PLCB1: variants seen among roughly 807,000 people sequenced by gnomAD.
PLCB1 encodes 1-phosphatidylinositol 4,5-bisphosphate phosphodiesterase beta-1.
A neutral mutation model predicts 161.8 loss-of-function variants in PLCB1; 46 were observed. That is an observed-to-expected ratio of 0.28 (90% CI 0.22 to 0.36). The LOEUF (loss-of-function observed/expected upper bound fraction) is 0.36. PLCB1 is among the 10% of genes least tolerant of loss of function. The pLI is 1.00. For synonymous variants in PLCB1, 517 were observed against 503.7 expected (o/e 1.03, Z -0.35); for missense variants, 1,016 against 1,472.5 (o/e 0.69, Z 5.07).
intron 12 of PLCB1, among the ~76,000 whole-genome samples, chr20:8,714,865 A>T (rs964904676): frequency 5.3e-5 from 8 of 152,308 alleles, no homozygotes; most frequent in African/African-American, 1.7e-4. Context: ...AAAAGAAAAA[A>T]ATGAATACAA....
intron 1 of PLCB1, among the ~76,000 whole-genome samples, chr20:8,137,615 T>C (rs917819918): frequency 3.9e-5 from 6 of 152,310 alleles, no homozygotes; most frequent in South Asian, 4.1e-4. Context: ...AAAAAATCAG[T>C]GTAACATGCG....
At chr20:8,590,873 A>G (rs1172859760) in intron 3 of PLCB1, among the ~76,000 whole-genome samples, 1 of 151,994 alleles carries the variant, frequency 6.6e-6, no homozygotes, top group Non-Finnish European at 1.5e-5. Context: ...GGTTTGTTAC[A>G]TAGGTAAACA....
intron 27 of PLCB1, among the ~76,000 whole-genome samples, chr20:8,782,513 C>T (rs1983291005): frequency 6.6e-6 from 1 of 152,138 alleles, no homozygotes; most frequent in Admixed American, 6.5e-5. Flanking sequence ...CTACCTCAGC[C>T]TCCCAAGTAG....
At chr20:8,231,934 C>G (rs1980062891) in intron 2 of PLCB1, among the ~76,000 whole-genome samples, 1 of 152,152 alleles carries the variant, frequency 6.6e-6, no homozygotes, top group Non-Finnish European at 1.5e-5. Context: ...TAAAATAGCT[C>G]TATCTTATGT....
At chr20:8,382,513 G>A (rs1203211630) in intron 3 of PLCB1, among the ~76,000 whole-genome samples, 1 of 148,648 alleles carries the variant, frequency 6.7e-6, no homozygotes, top group Non-Finnish European at 1.5e-5. Flanking sequence ...TCGATCTCCT[G>A]ACCTCGTAAT....
intron 3 of PLCB1, among the ~76,000 whole-genome samples, chr20:8,406,881 T>G (rs1978810174): frequency 6.6e-6 from 1 of 152,190 alleles, no homozygotes; most frequent in Non-Finnish European, 1.5e-5. Context: ...TAGAATGTGG[T>G]ATTGGACAGT....
At chr20:8,580,756 T>C (rs972764394) in intron 3 of PLCB1, among the ~76,000 whole-genome samples, 2 of 152,218 alleles carry the variant, frequency 1.3e-5, no homozygotes, top group East Asian at 3.8e-4. Context: ...AAACAAATGA[T>C]TGAGCTATGG....
At chr20:8,390,046 C>T (rs976223719) in intron 3 of PLCB1, among the ~76,000 whole-genome samples, 1 of 152,158 alleles carries the variant, frequency 6.6e-6, no homozygotes, top group African/African-American at 2.4e-5. Flanking sequence ...ACTTTTCAGT[C>T]AAGTTTTCCT....
At chr20:8,722,530 C>A in intron 15 of PLCB1, 109 bp downstream of exon 15, 1 of 627,104 alleles carries the variant, frequency 1.6e-6, no homozygotes. Flanking sequence ...AGATTTGTGC[C>A]TTCCAATTGC....
chr20:8,297,814 G>GC (rs1355357365), intron 2 of PLCB1, among the ~76,000 whole-genome samples: 1 of 151,912 alleles, frequency 6.6e-6, no homozygotes, highest in Non-Finnish European at 1.5e-5. Flanking sequence ...AATATGTGCA[G>GC]CCCCTAGAGA....
chr20:8,810,086 G>A (rs921269861), intron 31 of PLCB1, among the ~76,000 whole-genome samples: 10 of 152,272 alleles, frequency 6.6e-5, no homozygotes, highest in Non-Finnish European at 1.5e-4. Flanking sequence ...CAGATTAAAT[G>A]TTATTTTCTG....
intron 2 of PLCB1, among the ~76,000 whole-genome samples, chr20:8,173,137 G>A (rs553138701): frequency 1.3e-5 from 2 of 152,250 alleles, no homozygotes; most frequent in South Asian, 2.1e-4. Context: ...CCAGCAAAAG[G>A]GGGCCCATGC....
At chr20:8,706,202 G>A (rs764207773) in intron 11 of PLCB1, among the ~76,000 whole-genome samples, 8 of 152,200 alleles carry the variant, frequency 5.3e-5, no homozygotes, top group African/African-American at 1.9e-4. Flanking sequence ...AAGAGAAATG[G>A]CTGGACAACA....
intron 3 of PLCB1, among the ~76,000 whole-genome samples, chr20:8,467,975 G>A (rs1568687544): frequency 6.6e-6 from 1 of 152,142 alleles, no homozygotes; most frequent in Non-Finnish European, 1.5e-5. Flanking sequence ...TTAGCAATAT[G>A]AAATAACAAA....
chr20:8,721,912 G>A (rs951665279), intron 14 of PLCB1, among the ~76,000 whole-genome samples: 11 of 136,928 alleles, frequency 8.0e-5, no homozygotes, highest in African/African-American at 2.3e-4. Flanking sequence ...GAAGAGTCGC[G>A]GCTTGGGAAA....
chr20:8,604,183 G>A (rs1987687202), intron 3 of PLCB1, among the ~76,000 whole-genome samples: 2 of 145,654 alleles, frequency 1.4e-5, no homozygotes, highest in East Asian at 4.3e-4. Flanking sequence ...AACCCGGGAA[G>A]TGGAGGTTGC....
intron 31 of PLCB1, among the ~76,000 whole-genome samples, chr20:8,808,946 A>G (rs1424565546): frequency 7.9e-5 from 12 of 152,172 alleles, no homozygotes. Flanking sequence ...CAAATGTAAC[A>G]AATACTCATA....
chr20:8,293,960 T>C (rs1346818084), intron 2 of PLCB1, among the ~76,000 whole-genome samples: 1 of 152,118 alleles, frequency 6.6e-6, no homozygotes, highest in Admixed American at 6.6e-5. Flanking sequence ...ATCTAGAAGA[T>C]CTATTTGAGT....
intron 2 of PLCB1, among the ~76,000 whole-genome samples, chr20:8,155,554 G>A (rs1375451123): frequency 1.3e-5 from 2 of 152,154 alleles, no homozygotes; most frequent in Non-Finnish European, 2.9e-5. Flanking sequence ...TTTGAATGAT[G>A]CATCATAAAT....
Sources: allele counts gnomAD v4.1 joint callset (sites outside exome capture counted in the v4.1 genomes callset), GRCh38; gene constraint gnomAD v4.1.1; transcripts MANE v1.5; gene names NCBI Gene and HGNC (gene_info 2026-07-23, HGNC 2026-07-21).